The following CDIP1 variants were observed in gnomAD, a reference collection of about 807,000 sequenced individuals.
CDIP1 encodes cell death-inducing p53-target protein 1.
A neutral mutation model predicts 17.7 loss-of-function variants in CDIP1; 9 were observed. The ratio of observed to expected loss-of-function variants is 0.51; its 90% confidence interval spans 0.31 to 0.89. The LOEUF (loss-of-function observed/expected upper bound fraction) is 0.89. Among genes scored for constraint, CDIP1 ranks in the 40% least tolerant of loss-of-function variants. The pLI is 0.05. For synonymous variants in CDIP1, 117 were observed against 109.5 expected, an observed-to-expected ratio of 1.07 and a Z score of -0.43; for missense variants, 263 against 277.9, an observed-to-expected ratio of 0.95 and a Z score of 0.38.
In CDIP1 at chr16:4,513,014, C is replaced by G; in HGVS notation, c.292G>C (p.Gly98Arg). Residue 98 changes from glycine to arginine, a missense_variant, in exon 5 of 6, where the codon GGG becomes CGG. Gly to Arg is a moderately radical substitution (Grantham distance 125). Transcript: ENST00000567695. This position sits in a 1 kb window ranked among gnomAD's most constrained non-coding sequence, Gnocchi z 4.1. ...GGGTAGGGCCCTGGCGTGTAGGGCC[C>G]TGGGGGGTAGTAGCCCATGGGTGGG... ...PHPPMGYYPP[G>R]PYTPGPYPGP... The G allele has an allele frequency of 6.3e-7, 1 of 1,592,942 alleles. No individual in the cohort carries two copies. The highest frequency in any genetic ancestry group is 8.5e-7 in the Non-Finnish European group (1 of 1,171,584).
chr16:4,534,589 C>T (rs2059087462), intron 1 of CDIP1, among the ~76,000 whole-genome samples: 1 of 152,204 alleles, frequency 6.6e-6, no homozygotes, highest in Non-Finnish European at 1.5e-5. Context: ...CTGCTACCTC[C>T]CTGGCTGACA....
At chr16:4,527,910 G>A (rs1263522842) in intron 1 of CDIP1, among the ~76,000 whole-genome samples, 6 of 152,046 alleles carry the variant, frequency 3.9e-5, no homozygotes, top group South Asian at 4.1e-4. Flanking sequence ...TCCGCCTCCC[G>A]GGTTCAAGTA....
intron 1 of CDIP1, among the ~76,000 whole-genome samples, chr16:4,532,053 G>A (rs1044191958): frequency 6.6e-6 from 1 of 152,218 alleles, no homozygotes; most frequent in Non-Finnish European, 1.5e-5. Context: ...TGACTTATGA[G>A]GTCTTTGCTC....
At chr16:4,523,342 C>T (rs374035940) in intron 1 of CDIP1, among the ~76,000 whole-genome samples, 2 of 152,214 alleles carry the variant, frequency 1.3e-5, no homozygotes, top group East Asian at 3.9e-4. Context: ...GGTGAAACCC[C>T]GTCTCTACTA....
At position 4,513,619 on chromosome 16, in the gene CDIP1, G is replaced by A; in HGVS notation, c.241+77C>T. 7.4e-7 allele frequency: 1 copy of A among 1,344,876 alleles called. No homozygotes were observed. Among genetic ancestry groups the A allele is most frequent in the Non-Finnish European group, 1.0e-6 (1 of 952,786 alleles). The allele number at this position is 1,344,876 out of a possible 1,614,324, so 83.3% of individuals were successfully genotyped here. Reference sequence around the variant, plus strand: ...CCTGCCCTACAGCAGATGCCCACCTGTACTGAGGACAGCCAGCGCAGGCCA... The same window carrying A: ...CCTGCCCTACAGCAGATGCCCACCTATACTGAGGACAGCCAGCGCAGGCCA... On this transcript the variant is annotated intron_variant, in intron 4 of 5. Transcript: ENST00000567695. The surrounding 1 kb of genome is among the most constrained non-coding windows in gnomAD (Gnocchi z 4.1).
chr16:4,517,108 T>C (rs1315494734), intron 1 of CDIP1, among the ~76,000 whole-genome samples: 3 of 152,234 alleles, frequency 2.0e-5, no homozygotes, highest in Admixed American at 6.5e-5. Context: ...TCCCTTTTGT[T>C]AGATTATCTC....
At position 4,514,539 on chromosome 16, in the gene CDIP1, C is replaced by G; in HGVS notation, c.-15+36G>C. 5.5e-6 allele frequency: 1 copy of G among 181,740 alleles called. No homozygotes were observed. Among genetic ancestry groups the G allele is most frequent in the East Asian group, 1.4e-4 (1 of 6,906 alleles). The allele number at this position is 181,740 out of a possible 1,614,324, so 11.3% of individuals were successfully genotyped here. On this transcript the variant is annotated intron_variant, in intron 2 of 5. Transcript: ENST00000567695. This position sits in a 1 kb window ranked among gnomAD's most constrained non-coding sequence, Gnocchi z 5.2. The stretch of plus-strand genomic sequence containing the variant: ...ACACTGGACCGATCTCTGCCACAGG[C>G]TGCACTGGGAATGGGGGTTCTGGGG...
intron 1 of CDIP1, among the ~76,000 whole-genome samples, chr16:4,522,199 T>C (rs1308638682): frequency 6.6e-6 from 1 of 152,196 alleles, no homozygotes; most frequent in Non-Finnish European, 1.5e-5. Context: ...AGACAACTCT[T>C]TGAGAAGGCA....
intron 1 of CDIP1, among the ~76,000 whole-genome samples, chr16:4,530,158 G>A (rs1444802113): frequency 6.6e-6 from 1 of 152,184 alleles, no homozygotes; most frequent in Non-Finnish European, 1.5e-5. Context: ...CATTTCTGAT[G>A]GGTGAAGAAA....
Position 4,514,167 on chromosome 16 carries a change from G to T in CDIP1, c.-14-23C>A. 7.4e-7 allele frequency: 1 copy of T among 1,349,308 alleles called. No individual in the cohort carries two copies. The highest frequency in any genetic ancestry group is 1.0e-6 in the Non-Finnish European group (1 of 990,444). 83.6% of individuals were successfully genotyped at this position (1,349,308 alleles called of 1,614,324 possible). Reference sequence around the variant, plus strand: ...CTCCTGGACATGGAGGGAAAACCCAGACATGAACTAAGCTCCCAGCCAGGT... The same window carrying T: ...CTCCTGGACATGGAGGGAAAACCCATACATGAACTAAGCTCCCAGCCAGGT... On this transcript the variant is annotated intron_variant, in intron 2 of 5. Coordinates refer to ENST00000567695, the MANE Select transcript of CDIP1 (RefSeq NM_013399.3). The surrounding 1 kb of genome is among the most constrained non-coding windows in gnomAD (Gnocchi z 5.2).
At chr16:4,534,555 C>T (rs866899277) in intron 1 of CDIP1, among the ~76,000 whole-genome samples, 19 of 152,232 alleles carry the variant, frequency 1.2e-4, no homozygotes, top group Admixed American at 5.2e-4. Flanking sequence ...TGGCTGCTGC[C>T]TCAGCTGGCC....
At position 4,512,502 on chromosome 16, in the gene CDIP1, C is replaced by G; in HGVS notation, c.*70G>C. 8.8e-7 allele frequency: 1 copy of G among 1,134,002 alleles called. No individual in the cohort carries two copies. The highest frequency in any genetic ancestry group is 1.2e-5 in the South Asian group (1 of 80,478). The allele number at this position is 1,134,002 out of a possible 1,614,324, so 70.2% of individuals were successfully genotyped here. ...GCCCCAAGTGGGAGCGGGAAAGTGA[C>G]CACTGAGCACAGGGAGCAAAGCACA... is the stretch of plus-strand genomic sequence containing the variant. On this transcript the variant is annotated 3_prime_UTR_variant, in exon 6 of 6. Coordinates refer to ENST00000567695, the MANE Select transcript of CDIP1 (RefSeq NM_013399.3). The surrounding 1 kb of genome is among the most constrained non-coding windows in gnomAD (Gnocchi z 4.6).
chr16:4,531,747 T>C (rs144334053), intron 1 of CDIP1, among the ~76,000 whole-genome samples: 5 of 152,354 alleles, frequency 3.3e-5, no homozygotes, highest in African/African-American at 1.2e-4. Flanking sequence ...CCCTGTTTCT[T>C]TTCTCACACA....
At chr16:4,518,955 G>A (rs1169008917) in intron 1 of CDIP1, among the ~76,000 whole-genome samples, 3 of 152,184 alleles carry the variant, frequency 2.0e-5, no homozygotes, top group Non-Finnish European at 4.4e-5. Context: ...GGAGGAAGGG[G>A]AGACTTGCGG....
At chr16:4,531,716 C>T (rs1395434702) in intron 1 of CDIP1, among the ~76,000 whole-genome samples, 1 of 152,234 alleles carries the variant, frequency 6.6e-6, no homozygotes, top group Non-Finnish European at 1.5e-5. Flanking sequence ...TCCTGACTCT[C>T]TCCTTCCACA....
At chr16:4,538,358 G>T (rs2059131798) in intron 1 of CDIP1, 2 of 152,330 alleles carry the variant, frequency 1.3e-5, no homozygotes, top group Non-Finnish European at 2.9e-5. Flanking sequence ...CCGGCCGAAA[G>T]CGGAGAGGGG....
chr16:4,516,698 C>CTTTTTTTTTTTT (rs767463500), intron 1 of CDIP1, among the ~76,000 whole-genome samples: 4 of 78,058 alleles, frequency 5.1e-5, no homozygotes, highest in Non-Finnish European at 9.0e-5. Flanking sequence ...GTTTTAAATC[C>CTTTTTTTTTTTT]TTTTTTTTTT....
In CDIP1 at chr16:4,512,686, G is replaced by A; in HGVS notation, c.516-3C>T. The A allele has an allele frequency of 6.2e-7, 1 of 1,612,038 alleles. No individual in the cohort carries two copies. Among genetic ancestry groups the A allele is most frequent in the South Asian group, 1.1e-5 (1 of 91,064 alleles). ...TCAGGCAGCAGCCCAGATCACATCT[G>A]AATCAGAGACAGGGAAGAACAGGCT... On this transcript the variant is annotated splice_polypyrimidine_tract_variant and splice_region_variant and intron_variant, in intron 5 of 5. Coordinates refer to ENST00000567695, the MANE Select transcript of CDIP1 (RefSeq NM_013399.3). This position sits in a 1 kb window ranked among gnomAD's most constrained non-coding sequence, Gnocchi z 4.6.
At chr16:4,535,804 G>T (rs1311424775) in intron 1 of CDIP1, among the ~76,000 whole-genome samples, 1 of 152,230 alleles carries the variant, frequency 6.6e-6, no homozygotes, top group Non-Finnish European at 1.5e-5. Flanking sequence ...TCTGGCCCAG[G>T]CCCTAGGCGC....
Sources: gnomAD v4.1 joint callset for allele counts (sites outside exome capture counted in the v4.1 genomes callset) on GRCh38, gnomAD v4.1.1 for gene constraint, Gnocchi (gnomAD v3.1) non-coding constraint, MANE v1.5 for transcripts, NCBI Gene and HGNC (gene_info 2026-07-23, HGNC 2026-07-21) for gene names.